The following SLC17A1 variants were observed in gnomAD, a reference collection of about 807,000 sequenced individuals.
The protein encoded by SLC17A1 is sodium-dependent phosphate transport protein 1.
A neutral mutation model predicts 53.5 loss-of-function variants in SLC17A1; 51 were observed. The observed-to-expected ratio is 0.95, with a 90% CI of 0.76 to 1.20. The LOEUF (loss-of-function observed/expected upper bound fraction) is 1.20. SLC17A1 is among the 50% of genes most tolerant of loss of function. SLC17A1 has a pLI of 0.00. For synonymous variants in SLC17A1, 179 were observed against 198.8 expected (o/e 0.90, Z 0.84); for missense variants, 538 against 568.2 (o/e 0.95, Z 0.54).
At chr6:25,773,949 A>G in the SLC17A1 span, among the ~76,000 whole-genome samples, 1 of 152,134 alleles carries the variant, frequency 6.6e-6, no homozygotes, top group South Asian at 2.1e-4. Flanking sequence ...ATTCATATTT[A>G]TCATATTTTA....
the SLC17A1 span, among the ~76,000 whole-genome samples, chr6:25,731,555 C>T: frequency 0.26 from 39,200 of 152,114 alleles, 6,497 homozygotes; most frequent in East Asian, 0.68. Flanking sequence ...TTAATTGCCT[C>T]GGCTGTGAGA....
chr6:25,819,472 G>T, intron 5 of SLC17A1, 39 bp downstream of exon 5: 2 of 1,459,476 alleles, frequency 1.4e-6, no homozygotes, highest in Non-Finnish European at 1.9e-6. Context: ...ACAATGAGAT[G>T]AAGATAGGAT....
At chr6:25,779,315 T>C (rs1181723968), downstream of SLC17A1, 9 of 1,328,734 alleles carry the variant, frequency 6.8e-6, no homozygotes, top group East Asian at 1.9e-4. Flanking sequence ...ACGCTAAAGA[T>C]TTTACCATGC....
At chr6:25,783,307 A>G (rs1158564557) in intron 12 of SLC17A1, 89 bp from the exon 13 acceptor site, 2 of 152,198 alleles carry the variant, frequency 1.3e-5, no homozygotes, top group East Asian at 3.8e-4. Flanking sequence ...GCTTTTCAAC[A>G]TTTCAAAAAG....
chr6:25,735,738 A>G, the SLC17A1 span, among the ~76,000 whole-genome samples: 13,262 of 152,182 alleles, frequency 0.087, 1,282 homozygotes, highest in East Asian at 0.51. Flanking sequence ...GTTGTGTTCT[A>G]TTGTTTTATT....
chr6:25,748,535 C>T, the SLC17A1 span, among the ~76,000 whole-genome samples: 7 of 152,128 alleles, frequency 4.6e-5, no homozygotes, highest in South Asian at 2.1e-4. Flanking sequence ...TCAGGTGGGA[C>T]GAGAGACTGA....
At chr6:25,777,892 T>C in the SLC17A1 span, 2 of 1,562,656 alleles carry the variant, frequency 1.3e-6, no homozygotes, top group African/African-American at 1.4e-5. Context: ...GTAGGTATAC[T>C]TGGTTATAAT....
rs761466646 is a variant in SLC17A1 at position 25,811,528 on chromosome 6, T to C, written c.1048A>G (p.Ile350Val). The C allele has an allele frequency of 3.7e-6, 6 of 1,613,706 alleles. No homozygotes were observed. In the Admixed American group the frequency reaches 5.0e-5, roughly 13 times the overall value. The change falls in exon 10 of 13, where the codon ATC becomes GTC. Residue 350 changes from isoleucine (I) to valine (V), a missense_variant. Coordinates refer to ENST00000244527, the MANE Select transcript of SLC17A1 (RefSeq NM_005074.5). ...FTAAGFLLPA[I>V]FGVCLPYLSS... is the part of the protein sequence containing the mutation. The stretch of plus-strand genomic sequence containing the variant: ...AGGTAAGGCAGGCAGACACCAAAGA[T>C]TGCAGGAAGGAGAAATCCTGGGGAG...
At chr6:25,790,452 A>T (rs1763478214) in intron 12 of SLC17A1, among the ~76,000 whole-genome samples, 1 of 152,138 alleles carries the variant, frequency 6.6e-6, no homozygotes, top group African/African-American at 2.4e-5. Flanking sequence ...TGATACTAAG[A>T]AGTTCAGAAC....
chr6:25,781,309 G>C (rs1266084254), downstream of SLC17A1: 2 of 151,868 alleles, frequency 1.3e-5, no homozygotes, highest in Non-Finnish European at 2.9e-5. Flanking sequence ...CTGAAAGATA[G>C]AAGGAAAATC....
chr6:25,726,330 C>T, the SLC17A1 span: 9 of 1,614,132 alleles, frequency 5.6e-6, no homozygotes, highest in South Asian at 2.2e-5. Flanking sequence ...CATTGCCTGC[C>T]AGCTCAAGGA....
intron 3 of SLC17A1, among the ~76,000 whole-genome samples, chr6:25,826,220 G>A (rs1764734981): frequency 6.6e-6 from 1 of 151,956 alleles, no homozygotes; most frequent in Non-Finnish European, 1.5e-5. Context: ...TTGTAAAGAA[G>A]CCCTAACTCT....
Position 25,830,534 on chromosome 6 carries a change from A to T in SLC17A1, c.24T>A (p.Pro8=), listed in dbSNP as rs372413363. The change falls in exon 2 of 13, where the codon CCT becomes CCA. Residue 8 remains proline, a synonymous_variant. Coordinates refer to ENST00000244527, the MANE Select transcript of SLC17A1 (RefSeq NM_005074.5). ...AGAATAAAGTGCTACCTTTTTTGGG[A>T]GGCAACCGGTTATCCATTTGCATAC... The part of the protein sequence containing the change: MQMDNRL[P]PKKVPGFCSF... 6 of 1,613,344 alleles carry T rather than the reference A, an allele frequency of 3.7e-6. No homozygotes were observed. Among genetic ancestry groups the T allele is most frequent in the Non-Finnish European group, 4.2e-6 (5 of 1,179,366 alleles).
At chr6:25,729,336 T>C in the SLC17A1 span, among the ~76,000 whole-genome samples, 2 of 152,186 alleles carry the variant, frequency 1.3e-5, no homozygotes, top group African/African-American at 2.4e-5. Flanking sequence ...CTGGCTCCAC[T>C]ACCCTGCAGT....
downstream of SLC17A1, among the ~76,000 whole-genome samples, chr6:25,782,236 T>G (rs1211152416): frequency 2.0e-5 from 3 of 152,102 alleles, no homozygotes; most frequent in African/African-American, 7.2e-5. Flanking sequence ...AAGAAAAAGG[T>G]CTGAAGTGCT....
intron 12 of SLC17A1, among the ~76,000 whole-genome samples, chr6:25,785,461 A>T (rs116135319): frequency 5.3e-5 from 8 of 152,160 alleles, no homozygotes; most frequent in African/African-American, 9.7e-5. Flanking sequence ...GAAAAAATAG[A>T]TAAATTAGAC....
chr6:25,724,021 C>T, the SLC17A1 span, among the ~76,000 whole-genome samples: 3 of 152,244 alleles, frequency 2.0e-5, no homozygotes, highest in East Asian at 3.9e-4. Context: ...TGTAAAACAT[C>T]GTCAATCAGA....
At chr6:25,759,326 G>T in the SLC17A1 span, among the ~76,000 whole-genome samples, 1 of 152,152 alleles carries the variant, frequency 6.6e-6, no homozygotes, top group African/African-American at 2.4e-5. Flanking sequence ...TTGTTCTAGG[G>T]TATAGTTTAA....
chr6:25,730,711 A>G, the SLC17A1 span, among the ~76,000 whole-genome samples: 1 of 152,258 alleles, frequency 6.6e-6, no homozygotes, highest in Non-Finnish European at 1.5e-5. Flanking sequence ...TACATATTTC[A>G]AAACATCATG....
Sources: gnomAD v4.1 joint callset for allele counts (sites outside exome capture counted in the v4.1 genomes callset) on GRCh38, gnomAD v4.1.1 for gene constraint, MANE v1.5 for transcripts, NCBI Gene and HGNC (gene_info 2026-07-23, HGNC 2026-07-21) for gene names.